Variants in IGSF10 observed in about 807,000 individuals in gnomAD.
The protein encoded by IGSF10 is immunoglobulin superfamily member 10.
Under a neutral mutation model 128.2 loss-of-function variants are expected in IGSF10, and 126 were observed. The ratio of observed to expected loss-of-function variants is 0.98; its 90% confidence interval spans 0.85 to 1.14. The LOEUF is 1.14. IGSF10 is among the 50% of genes most tolerant of loss of function. The probability of loss-of-function intolerance (pLI) is 0.00; values close to 1 mark genes in which losing one functional copy is unlikely to be tolerated. For synonymous variants in IGSF10, 1,185 were observed against 1,146.2 expected (o/e 1.03, Z -0.68); for missense variants, 3,295 against 3,149.8 (o/e 1.05, Z -1.10).
At chr3:151,467,146 A>G in the IGSF10 span, among the ~76,000 whole-genome samples, 3 of 152,196 alleles carry the variant, frequency 2.0e-5, no homozygotes, top group East Asian at 5.8e-4. Context: ...ATGACAAAAG[A>G]GGGCTGTGCT....
the IGSF10 span, among the ~76,000 whole-genome samples, chr3:151,523,771 C>A: frequency 6.6e-6 from 1 of 152,066 alleles, no homozygotes; most frequent in Non-Finnish European, 1.5e-5. Flanking sequence ...ACAAAGACAC[C>A]AAAAGCAATC....
the IGSF10 span, among the ~76,000 whole-genome samples, chr3:151,493,222 A>G: frequency 6.6e-6 from 1 of 152,204 alleles, no homozygotes; most frequent in African/African-American, 2.4e-5. Context: ...CTAATGTACA[A>G]CCTGAGGATT....
the IGSF10 span, among the ~76,000 whole-genome samples, chr3:151,489,606 T>C: frequency 6.5e-4 from 99 of 151,904 alleles, no homozygotes; most frequent in South Asian, 0.012. Flanking sequence ...ATAAAGAAAA[T>C]GAGGCACATA....
chr3:151,449,290 A>G lies in IGSF10; in HGVS notation c.716-25T>C, dbSNP rs766437232. The G allele has an allele frequency of 4.5e-6, 7 of 1,538,946 alleles. No homozygotes were observed. The East Asian group carries it at 1.6e-4, about 35-fold the overall frequency. On this transcript the variant is annotated intron_variant, in intron 5 of 7. Transcript: ENST00000282466. Reference sequence around the variant, plus strand: ...TCTGGAAAAAAATCACAATTGAATTATCAGTTGTGACCTCTTTATGAATTG... The same window carrying G: ...TCTGGAAAAAAATCACAATTGAATTGTCAGTTGTGACCTCTTTATGAATTG...
the IGSF10 span, among the ~76,000 whole-genome samples, chr3:151,492,085 A>G: frequency 1.3e-5 from 2 of 152,212 alleles, no homozygotes; most frequent in African/African-American, 4.8e-5. Flanking sequence ...ACAGACTGGA[A>G]AAAAATATTT....
the IGSF10 span, among the ~76,000 whole-genome samples, chr3:151,474,876 A>T: frequency 2.0e-5 from 3 of 152,178 alleles, no homozygotes; most frequent in African/African-American, 7.2e-5. Flanking sequence ...AGATCTTGTG[A>T]GACTTATTCA....
the IGSF10 span, among the ~76,000 whole-genome samples, chr3:151,517,860 A>C: frequency 6.6e-6 from 1 of 151,926 alleles, no homozygotes; most frequent in African/African-American, 2.4e-5. Context: ...TTTCTCTTGT[A>C]AACAGGGCAT....
chr3:151,537,685 ATCACTGTT>A, the IGSF10 span, among the ~76,000 whole-genome samples: 1 of 152,216 alleles, frequency 6.6e-6, no homozygotes, highest in Non-Finnish European at 1.5e-5. Flanking sequence ...AACTTTAGTC[ATCACTGTT>A]TCCTCTTCTA....
At chr3:151,513,526 C>A in the IGSF10 span, among the ~76,000 whole-genome samples, 5 of 152,096 alleles carry the variant, frequency 3.3e-5, no homozygotes, top group African/African-American at 1.2e-4. Context: ...CTTGAATGGG[C>A]AAAAACTGGA....
chr3:151,580,180 C>A, the IGSF10 span, among the ~76,000 whole-genome samples: 1 of 151,744 alleles, frequency 6.6e-6, no homozygotes, highest in African/African-American at 2.4e-5. Context: ...CCAGTCTCTA[C>A]AAAAAATTGA....
chr3:151,533,401 C>T, the IGSF10 span, among the ~76,000 whole-genome samples: 2 of 152,184 alleles, frequency 1.3e-5, no homozygotes, highest in Admixed American at 1.3e-4. Context: ...TGACTTCAAA[C>T]TATGCTACAA....
At chr3:151,610,798 G>A in the IGSF10 span, among the ~76,000 whole-genome samples, 1 of 152,212 alleles carries the variant, frequency 6.6e-6, no homozygotes, top group Non-Finnish European at 1.5e-5. Context: ...TGGAGAGTGA[G>A]CATGTGAGAC....
Position 151,443,001 on chromosome 3 carries a change from C to G in IGSF10, c.5946G>C (p.Val1982=). Residue 1982 remains valine, a synonymous_variant, in exon 7 of 8, where the codon GTG becomes GTC. Transcript: ENST00000282466. ...AGACTTACCTATGCTGCTGGTCGAC[C>G]ACAGCCTTGGATGGTAACCTCCACA... ...QIMWRLPSKA[V]VDQQHRVGSW... is the part of the protein sequence containing the mutation. 1 of 1,613,686 alleles carries G rather than the reference C, an allele frequency of 6.2e-7. No homozygotes were observed. Among genetic ancestry groups the G allele is most frequent in the South Asian group, 1.1e-5 (1 of 91,014 alleles).
chr3:151,505,370 G>A, the IGSF10 span, among the ~76,000 whole-genome samples: 1 of 152,020 alleles, frequency 6.6e-6, no homozygotes, highest in Non-Finnish European at 1.5e-5. Flanking sequence ...AATAGAAAGG[G>A]TAAAACCACC....
At chr3:151,444,652 G>T (rs957219495) in intron 6 of IGSF10, among the ~76,000 whole-genome samples, 2 of 152,054 alleles carry the variant, frequency 1.3e-5, no homozygotes, top group African/African-American at 4.8e-5. Context: ...AAAGCCAGAT[G>T]GTTCAACACA....
the IGSF10 span, among the ~76,000 whole-genome samples, chr3:151,524,092 C>G: frequency 0.039 from 5,999 of 152,068 alleles, 385 homozygotes; most frequent in African/African-American, 0.14. Context: ...AAATCAAAAC[C>G]AGTCAGAATG....
chr3:151,566,697 C>T, the IGSF10 span, among the ~76,000 whole-genome samples: 1 of 152,200 alleles, frequency 6.6e-6, no homozygotes, highest in Admixed American at 6.5e-5. Flanking sequence ...CCATAGAGTG[C>T]TATGTGCCGG....
At chr3:151,573,946 A>G in the IGSF10 span, among the ~76,000 whole-genome samples, 5 of 152,192 alleles carry the variant, frequency 3.3e-5, no homozygotes, top group African/African-American at 1.2e-4. Context: ...ATCTCTCAGC[A>G]TTTCCTTGTC....
rs1560168606 is a variant in IGSF10, at chr3:151,437,133, C to CCTGT, written c.7424_7427dup (p.Pro2477GlnfsTer5). The stretch of plus-strand genomic sequence containing the variant: ...ATATGTATTTCCCATTAATTTGAGG[C>CCTGT]CTGTCTACTACATAACCACTTGGCA... On this transcript the variant is annotated frameshift_variant, in exon 8 of 8. Coordinates refer to ENST00000282466, the MANE Select transcript of IGSF10 (RefSeq NM_178822.5). LOFTEE classifies it low-confidence loss of function (END_TRUNC). 6 of 1,614,140 alleles carry CCTGT rather than the reference C, an allele frequency of 3.7e-6. No individual in the cohort carries two copies. The East Asian group carries it at 6.7e-5, about 18-fold the overall frequency.
Sources: allele counts gnomAD v4.1 joint callset (sites outside exome capture counted in the v4.1 genomes callset), GRCh38; gene constraint gnomAD v4.1.1; transcripts MANE v1.5; gene names NCBI Gene and HGNC (gene_info 2026-07-23, HGNC 2026-07-21).